Variants in SEH1L observed in about 807,000 individuals in gnomAD.
SEH1L encodes nucleoporin SEH1.
In SEH1L, 18 loss-of-function variants were observed where a neutral mutation model predicts 49.5. The ratio of observed to expected loss-of-function variants is 0.36; its 90% CI spans 0.25 to 0.54. The LOEUF (loss-of-function observed/expected upper bound fraction) is 0.54, where lower values mean the gene tolerates loss of function less well. Ranked by LOEUF, SEH1L falls within the 20% of genes least tolerant of loss-of-function variation. SEH1L has a pLI of 0.87. For synonymous variants in SEH1L, 169 were observed against 178.1 expected (o/e 0.95, Z 0.41); for missense variants, 404 against 528.8 (o/e 0.76, Z 2.31).
intron 3 of SEH1L, among the ~76,000 whole-genome samples, chr18:12,957,815 C>T (rs1189507287): frequency 6.6e-6 from 1 of 152,158 alleles, no homozygotes; most frequent in African/African-American, 2.4e-5. Context: ...CTCCTGGGCT[C>T]AAGTGATCCT....
intron 4 of SEH1L, among the ~76,000 whole-genome samples, chr18:12,965,154 A>G (rs2031388626): frequency 6.6e-6 from 1 of 151,398 alleles, no homozygotes; most frequent in Admixed American, 6.6e-5. Context: ...CTGGGACTAC[A>G]GGTGCCTGCC....
chr18:12,977,716 A>G (rs1250290141), intron 5 of SEH1L: 3 of 152,196 alleles, frequency 2.0e-5, no homozygotes, highest in Non-Finnish European at 1.5e-5. Context: ...AAACTGTCTC[A>G]AAAAAACCTC....
intron 3 of SEH1L, among the ~76,000 whole-genome samples, chr18:12,961,602 T>C (rs1415087854): frequency 6.6e-6 from 1 of 152,262 alleles, no homozygotes; most frequent in Non-Finnish European, 1.5e-5. Context: ...ATCCTTTTAA[T>C]GTTGAGACTC....
chr18:12,951,382 A>G (rs1598938331), intron 1 of SEH1L, among the ~76,000 whole-genome samples: 1 of 152,098 alleles, frequency 6.6e-6, no homozygotes, highest in African/African-American at 2.4e-5. Context: ...TGCTTGACAC[A>G]TTCAAGGTTC....
intron 3 of SEH1L, among the ~76,000 whole-genome samples, chr18:12,956,661 A>C (rs2030880527): frequency 6.7e-6 from 1 of 148,930 alleles, no homozygotes; most frequent in Non-Finnish European, 1.5e-5. Flanking sequence ...TTCTATATTT[A>C]GGATTGTAAT....
intron 1 of SEH1L, among the ~76,000 whole-genome samples, chr18:12,950,564 A>G (rs2030459781): frequency 6.6e-6 from 1 of 152,188 alleles, no homozygotes; most frequent in South Asian, 2.1e-4. Context: ...TGTCAGAAAT[A>G]GTGTTGTACT....
chr18:12,986,824 T>C, intron 8 of SEH1L, 38 bp from the exon 9 acceptor site: 4 of 1,350,928 alleles, frequency 3.0e-6, no homozygotes, highest in Non-Finnish European at 3.8e-6. Flanking sequence ...CCTGTTTTTG[T>C]TTTGTTTGGT....
rs143405295 is a variant in SEH1L, at chr18:12,967,698, G to C, written c.522-3455G>C. Among the ~76,000 whole-genome samples, 1,221 of 152,292 alleles carry C rather than the reference G, an allele frequency of 8.0e-3. 15 individuals are homozygous for C. Among genetic ancestry groups the C allele is most frequent in the African/African-American group, 0.028 (1,171 of 41,556 alleles). ...GGAGGCTGAGGCGGGCGGATCACTTGAAGTCAGGAGTTTGAGACTAGCCTG... is the reference window on the plus strand; with the variant it reads ...GGAGGCTGAGGCGGGCGGATCACTTCAAGTCAGGAGTTTGAGACTAGCCTG... On this transcript the variant is annotated intron_variant, in intron 4 of 8. Coordinates refer to ENST00000399892, the MANE Select transcript of SEH1L (RefSeq NM_001013437.2).
rs2032380291 is a variant in SEH1L at position 12,984,188 on chromosome 18, C to G, written c.1068C>G (p.Gly356=). 1 of 1,613,066 alleles carries G rather than the reference C, an allele frequency of 6.2e-7. No individual in the cohort carries two copies. Among genetic ancestry groups the G allele is most frequent in the South Asian group, 1.1e-5 (1 of 91,020 alleles). ...LQNSLNGSSA[G]RYFFTPLDSP... is the part of the protein sequence containing the mutation. ...ATTCATTAAATGGATCTTCTGCTGG[C>G]AGGTAGGCTGCTTCATGGGAAAACT... Residue 356 remains glycine, a splice_region_variant and synonymous_variant, in exon 8 of 9, where the codon GGC becomes GGG. Transcript: ENST00000399892.
At chr18:12,974,925 C>T (rs79577542) in intron 5 of SEH1L, among the ~76,000 whole-genome samples, 3,263 of 152,276 alleles carry the variant, frequency 0.021, 50 homozygotes, top group South Asian at 0.03. Context: ...TTTACACTCT[C>T]ATTGAGGATC....
intron 7 of SEH1L, chr18:12,983,144 G>A (rs544910495): frequency 6.5e-6 from 1 of 153,278 alleles, no homozygotes; most frequent in Non-Finnish European, 1.5e-5. Context: ...GCCAGGCTGA[G>A]TGAGAAGGTC....
intron 8 of SEH1L, chr18:12,986,093 A>C (rs1478646394): frequency 2.0e-6 from 2 of 984,838 alleles, no homozygotes; most frequent in East Asian, 1.1e-4. Context: ...AAATTTTACT[A>C]AAATTGTGCA....
chr18:12,979,691 C>T (rs796143737), intron 6 of SEH1L, among the ~76,000 whole-genome samples: 6,174 of 147,452 alleles, frequency 0.042, 107 homozygotes, highest in East Asian at 0.13. Flanking sequence ...GCTGGCTGGG[C>T]GGGGGGCTGA....
intron 3 of SEH1L, among the ~76,000 whole-genome samples, chr18:12,960,555 C>CAAA (rs1275448975): frequency 6.6e-6 from 1 of 152,192 alleles, no homozygotes; most frequent in Admixed American, 6.5e-5. Flanking sequence ...GACTGTTTTA[C>CAAA]AGCTCTTCTC....
At chr18:12,982,714 T>G (rs1390531259) in intron 7 of SEH1L, 39 bp downstream of exon 7, 1 of 1,462,056 alleles carries the variant, frequency 6.8e-7, no homozygotes, top group East Asian at 2.4e-5. Context: ...GGTTTATATT[T>G]CTGCTCTGCA....
At chr18:12,957,511 G>A (rs759182478) in intron 3 of SEH1L, among the ~76,000 whole-genome samples, 2 of 152,174 alleles carry the variant, frequency 1.3e-5, no homozygotes, top group African/African-American at 2.4e-5. Context: ...ATTTGGGCAA[G>A]AACATAATAT....
intron 4 of SEH1L, among the ~76,000 whole-genome samples, chr18:12,969,640 A>G (rs1471479934): frequency 6.6e-6 from 1 of 151,756 alleles, no homozygotes; most frequent in Non-Finnish European, 1.5e-5. Flanking sequence ...GTAAACCAAG[A>G]TCATGCCACT....
chr18:12,951,916 A>G lies in SEH1L; in HGVS notation c.162+11A>G, dbSNP rs1282154209. 1 of 1,426,960 alleles carries G rather than the reference A, an allele frequency of 7.0e-7. No homozygotes were observed. The highest frequency in any genetic ancestry group is 1.3e-5 in the South Asian group (1 of 77,712). 88.4% of individuals were successfully genotyped at this position (1,426,960 alleles called of 1,614,324 possible). A position where few individuals can be genotyped will look rare whatever the true frequency, so the allele number is the denominator to read the frequency against. Reference sequence around the variant, plus strand: ...ACTGCTAGCTGGAAGGTTAGTATTTATTTTTACATTTATTAAAAATACAGA... The same window carrying G: ...ACTGCTAGCTGGAAGGTTAGTATTTGTTTTTACATTTATTAAAAATACAGA... On this transcript the variant is annotated intron_variant, in intron 2 of 8. Transcript: ENST00000399892.
intron 1 of SEH1L, chr18:12,948,490 C>G: frequency 3.0e-6 from 1 of 329,452 alleles, no homozygotes; most frequent in Non-Finnish European, 5.5e-6. Context: ...TACGCCGGGC[C>G]CTCTCCCAGG....
Sources: gnomAD v4.1 joint callset for allele counts (sites outside exome capture counted in the v4.1 genomes callset) on GRCh38, gnomAD v4.1.1 for gene constraint, MANE v1.5 for transcripts, NCBI Gene and HGNC (gene_info 2026-07-23, HGNC 2026-07-21) for gene names.